Variants in MCTP1 observed in about 807,000 individuals in gnomAD.
The protein encoded by MCTP1 is multiple C2 and transmembrane domain containing 1.
A neutral mutation model predicts 120.6 loss-of-function variants in MCTP1; 69 were observed. The ratio of observed to expected loss-of-function variants is 0.57; its 90% CI spans 0.47 to 0.70. The LOEUF is 0.70. Ranked by LOEUF, MCTP1 falls within the 30% of genes least tolerant of loss-of-function variation. The pLI, the probability that MCTP1 is intolerant of heterozygous loss-of-function variation, is 0.00. For missense variants in MCTP1, 1,203 were observed against 1,248.8 expected (o/e 0.96, Z 0.55); for synonymous variants, 529 against 493.1 (o/e 1.07, Z -0.96).
chr5:95,000,133 T>C (rs528051051), intron 2 of MCTP1, among the ~76,000 whole-genome samples: 2 of 152,328 alleles, frequency 1.3e-5, no homozygotes, highest in African/African-American at 2.4e-5. Flanking sequence ...CTTAGTGATG[T>C]TGCAGTATCC....
At chr5:95,206,336 G>T (rs1301954563) in intron 1 of MCTP1, among the ~76,000 whole-genome samples, 1 of 152,134 alleles carries the variant, frequency 6.6e-6, no homozygotes, top group Admixed American at 6.5e-5. Context: ...CAGATTAGTG[G>T]TTGCCTAGGG....
At chr5:94,847,676 G>GTA (rs1457954338) in intron 17 of MCTP1, among the ~76,000 whole-genome samples, 102 of 132,558 alleles carry the variant, frequency 7.7e-4, no homozygotes, top group African/African-American at 2.8e-3. Flanking sequence ...GTGTGTGTGT[G>GTA]TGTGTGTATA....
intron 19 of MCTP1, among the ~76,000 whole-genome samples, chr5:94,737,835 C>T (rs1381073438): frequency 1.3e-5 from 2 of 152,098 alleles, no homozygotes; most frequent in East Asian, 3.9e-4. Context: ...CGCCACCACA[C>T]TTGGTTAATT....
chr5:94,787,045 C>T lies in MCTP1; in HGVS notation c.2557-7882G>A, dbSNP rs183207700. Among the ~76,000 whole-genome samples the T allele has an allele frequency of 2.0e-5, 3 of 152,284 alleles. No homozygotes were observed. In the South Asian group the frequency reaches 6.2e-4, roughly 32 times the overall value. On this transcript the variant is annotated intron_variant, in intron 18 of 22. Coordinates refer to ENST00000515393, the MANE Select transcript of MCTP1 (RefSeq NM_024717.7). Reference sequence around the variant, plus strand: ...GCTGGTGTAGGTTTACCTTTCTCCTCCTCTTACCCGACATCCTGAGCGAGA... The same window carrying T: ...GCTGGTGTAGGTTTACCTTTCTCCTTCTCTTACCCGACATCCTGAGCGAGA...
intron 9 of MCTP1, among the ~76,000 whole-genome samples, chr5:94,911,689 G>A (rs1808622456): frequency 6.6e-6 from 1 of 152,168 alleles, no homozygotes; most frequent in Non-Finnish European, 1.5e-5. Context: ...GTTCTTTATA[G>A]AAGTGTGAGA....
chr5:94,893,621 C>G (rs1420501267), intron 11 of MCTP1, among the ~76,000 whole-genome samples: 1 of 152,202 alleles, frequency 6.6e-6, no homozygotes, highest in African/African-American at 2.4e-5. Context: ...TGCTGAAGCG[C>G]ACATCCTGCT....
chr5:94,983,427 T>A (rs1487338001), intron 2 of MCTP1, among the ~76,000 whole-genome samples: 1 of 152,196 alleles, frequency 6.6e-6, no homozygotes, highest in African/African-American at 2.4e-5. Context: ...AGTCTTTTAT[T>A]AGGTGTAACT....
chr5:94,731,453 A>G (rs1262445982), intron 19 of MCTP1, among the ~76,000 whole-genome samples: 1 of 152,054 alleles, frequency 6.6e-6, no homozygotes, highest in Admixed American at 6.6e-5. Flanking sequence ...ACATTTTATT[A>G]CTATTATTTG....
At chr5:94,851,533 T>C (rs918310041) in intron 17 of MCTP1, among the ~76,000 whole-genome samples, 1 of 152,100 alleles carries the variant, frequency 6.6e-6, no homozygotes, top group East Asian at 1.9e-4. Flanking sequence ...CTGATAAAGA[T>C]GTTCCACACA....
chr5:95,023,683 T>A (rs1838641921), intron 1 of MCTP1, among the ~76,000 whole-genome samples: 1 of 152,192 alleles, frequency 6.6e-6, no homozygotes, highest in Admixed American at 6.5e-5. Flanking sequence ...GCAGGCTGAT[T>A]ATGGAGGGAT....
chr5:95,129,283 T>C (rs1325371009), intron 1 of MCTP1, among the ~76,000 whole-genome samples: 1 of 152,252 alleles, frequency 6.6e-6, no homozygotes, highest in Non-Finnish European at 1.5e-5. Context: ...GCAAGTTTTA[T>C]CAATTTTGTC....
chr5:95,078,477 T>C (rs1754163057), intron 1 of MCTP1, among the ~76,000 whole-genome samples: 1 of 152,174 alleles, frequency 6.6e-6, no homozygotes, highest in South Asian at 2.1e-4. Context: ...ATTCCAGACA[T>C]ATTTTGCGTT....
At chr5:94,876,097 T>C (rs1289771800) in intron 12 of MCTP1, among the ~76,000 whole-genome samples, 1 of 152,152 alleles carries the variant, frequency 6.6e-6, no homozygotes, top group African/African-American at 2.4e-5. Flanking sequence ...TGGACTATAG[T>C]TGTATTTTTA....
At chr5:94,991,719 C>CA (rs11362950) in intron 2 of MCTP1, among the ~76,000 whole-genome samples, 1 of 151,400 alleles carries the variant, frequency 6.6e-6, no homozygotes, top group Non-Finnish European at 1.5e-5. Flanking sequence ...ACTAAAAATA[C>CA]AAAAAAAATT....
intron 19 of MCTP1, among the ~76,000 whole-genome samples, chr5:94,757,571 G>A (rs1770231157): frequency 6.6e-6 from 1 of 152,172 alleles, no homozygotes; most frequent in Non-Finnish European, 1.5e-5. Flanking sequence ...AGGTTATGAT[G>A]GGACAATTTT....
chr5:94,919,893 C>A (rs928907005), intron 7 of MCTP1, among the ~76,000 whole-genome samples: 2 of 152,226 alleles, frequency 1.3e-5, no homozygotes, highest in South Asian at 2.1e-4. Flanking sequence ...CTTTGTCCAG[C>A]GCAGTCTGAA....
intron 1 of MCTP1, among the ~76,000 whole-genome samples, chr5:95,085,705 A>G (rs1755380984): frequency 1.3e-5 from 2 of 152,054 alleles, no homozygotes; most frequent in African/African-American, 4.8e-5. Context: ...TTACAATTCA[A>G]CCAACAGTGT....
chr5:94,847,704 A>G (rs1353427517), intron 17 of MCTP1, among the ~76,000 whole-genome samples: 13 of 145,890 alleles, frequency 8.9e-5, no homozygotes, highest in African/African-American at 3.1e-4. Context: ...ATATATATAT[A>G]TGTATGTTGG....
At chr5:95,205,095 T>C (rs1007330439) in intron 1 of MCTP1, among the ~76,000 whole-genome samples, 29 of 152,130 alleles carry the variant, frequency 1.9e-4, no homozygotes, top group African/African-American at 5.8e-4. Flanking sequence ...AAAAACTTGC[T>C]ACAATGCTAA....
Sources: gnomAD v4.1 joint callset for allele counts (sites outside exome capture counted in the v4.1 genomes callset) on GRCh38, gnomAD v4.1.1 for gene constraint, MANE v1.5 for transcripts, NCBI Gene and HGNC (gene_info 2026-07-23, HGNC 2026-07-21) for gene names.